The following EYS variants were observed in gnomAD, a reference collection of about 807,000 sequenced individuals.
EYS encodes protein eyes shut homolog.
EYS carries 250 observed loss-of-function variants against 282.1 expected under a neutral mutation model. The observed-to-expected ratio is 0.89, with a 90% confidence interval of 0.80 to 0.98. The LOEUF is 0.98. Among genes scored for constraint, EYS ranks in the 50% least tolerant of loss-of-function variants. The pLI is 0.00. For missense variants in EYS, 4,016 were observed against 3,709.0 expected (o/e 1.08, Z -2.15); for synonymous variants, 1,355 against 1,282.9 (o/e 1.06, Z -1.20).
intron 15 of EYS, among the ~76,000 whole-genome samples, chr6:64,933,646 G>A (rs1173888822): frequency 1.3e-5 from 2 of 151,972 alleles, no homozygotes; most frequent in Non-Finnish European, 2.9e-5. Context: ...TATACCTGAA[G>A]GATTATAAAT....
intron 31 of EYS, among the ~76,000 whole-genome samples, chr6:64,207,403 A>G (rs1256046681): frequency 6.6e-6 from 1 of 152,114 alleles, no homozygotes; most frequent in Non-Finnish European, 1.5e-5. Context: ...TAAATTACCC[A>G]GTCTGCAGTA....
At chr6:64,356,026 A>G (rs1771813126) in intron 29 of EYS, among the ~76,000 whole-genome samples, 1 of 151,792 alleles carries the variant, frequency 6.6e-6, no homozygotes, top group African/African-American at 2.4e-5. Flanking sequence ...CTGCAAAAGC[A>G]GTAACAGAAA....
At chr6:64,576,858 C>A (rs1461796566) in intron 26 of EYS, among the ~76,000 whole-genome samples, 2 of 152,034 alleles carry the variant, frequency 1.3e-5, no homozygotes, top group Admixed American at 6.6e-5. Context: ...CCCCCAGTGA[C>A]ATGTTAAAGT....
intron 29 of EYS, among the ~76,000 whole-genome samples, chr6:64,333,718 T>A (rs1435546835): frequency 6.6e-6 from 1 of 152,184 alleles, no homozygotes; most frequent in South Asian, 2.1e-4. Flanking sequence ...CAAGTTTAAG[T>A]TACCCCAATG....
At chr6:64,500,783 A>G (rs1777012444) in intron 26 of EYS, among the ~76,000 whole-genome samples, 1 of 152,118 alleles carries the variant, frequency 6.6e-6, no homozygotes, top group Non-Finnish European at 1.5e-5. Flanking sequence ...CAGAGCATCC[A>G]TCAGGAAAAA....
intron 2 of EYS, among the ~76,000 whole-genome samples, chr6:65,512,355 G>A (rs1766919045): frequency 6.6e-6 from 1 of 151,806 alleles, no homozygotes; most frequent in Non-Finnish European, 1.5e-5. Context: ...AGCCGGGTGT[G>A]GCGAGCACCT....
intron 22 of EYS, among the ~76,000 whole-genome samples, chr6:64,626,778 C>T (rs1419786867): frequency 6.6e-6 from 1 of 152,130 alleles, no homozygotes; most frequent in Non-Finnish European, 1.5e-5. Flanking sequence ...TTATCTTAAG[C>T]TAACGAGTTT....
chr6:64,186,456 C>T (rs1416431606), intron 31 of EYS, among the ~76,000 whole-genome samples: 2 of 152,070 alleles, frequency 1.3e-5, no homozygotes, highest in Non-Finnish European at 2.9e-5. Context: ...ATGTTTAAAA[C>T]TTTTGTGCTA....
intron 11 of EYS, among the ~76,000 whole-genome samples, chr6:65,325,838 C>T (rs534702592): frequency 6.6e-6 from 1 of 152,100 alleles, no homozygotes; most frequent in Non-Finnish European, 1.5e-5. Context: ...CAATCTTTCA[C>T]TTGGTTTTGC....
intron 12 of EYS, among the ~76,000 whole-genome samples, chr6:65,063,027 C>T (rs889026416): frequency 6.6e-6 from 1 of 151,816 alleles, no homozygotes; most frequent in Non-Finnish European, 1.5e-5. Context: ...CAAAGTTGGG[C>T]CACATTAAAT....
chr6:65,375,178 A>G (rs1057097612), intron 8 of EYS, among the ~76,000 whole-genome samples: 5 of 152,174 alleles, frequency 3.3e-5, no homozygotes, highest in Non-Finnish European at 7.3e-5. Context: ...CGAAGCTTCC[A>G]GAGGAGGGAA....
chr6:64,612,595 T>C (rs1469718490), intron 24 of EYS, among the ~76,000 whole-genome samples: 1 of 152,102 alleles, frequency 6.6e-6, no homozygotes, highest in African/African-American at 2.4e-5. Context: ...AATTATCAGC[T>C]TGTCAGAGAT....
intron 2 of EYS, among the ~76,000 whole-genome samples, chr6:65,616,070 ATT>A (rs1766189560): frequency 7.9e-6 from 1 of 126,180 alleles, no homozygotes; most frequent in Non-Finnish European, 2.0e-5. Flanking sequence ...AGCATTAAAC[ATT>A]TACTCTTACA....
intron 12 of EYS, among the ~76,000 whole-genome samples, chr6:65,235,224 A>G (rs988253992): frequency 6.6e-6 from 1 of 152,152 alleles, no homozygotes; most frequent in Admixed American, 6.5e-5. Flanking sequence ...TTCAACATGG[A>G]AAATAGTATA....
intron 9 of EYS, among the ~76,000 whole-genome samples, chr6:65,352,569 T>A (rs2150326400): frequency 6.6e-6 from 1 of 152,070 alleles, no homozygotes; most frequent in African/African-American, 2.4e-5. Flanking sequence ...TCATTTCAAG[T>A]GTGTAAGACA....
intron 22 of EYS, among the ~76,000 whole-genome samples, chr6:64,687,681 C>T (rs1770207919): frequency 6.6e-6 from 1 of 152,218 alleles, no homozygotes; most frequent in East Asian, 1.9e-4. Flanking sequence ...CTAAAATTCT[C>T]TTTTTTTGTT....
intron 26 of EYS, among the ~76,000 whole-genome samples, chr6:64,491,185 C>T (rs1197412439): frequency 6.6e-6 from 1 of 150,772 alleles, no homozygotes; most frequent in Non-Finnish European, 1.5e-5. Flanking sequence ...TATCCACAAG[C>T]TTATAAAGCA....
At chr6:64,439,680 G>T (rs1774870325) in intron 26 of EYS, among the ~76,000 whole-genome samples, 1 of 151,692 alleles carries the variant, frequency 6.6e-6, no homozygotes, top group South Asian at 2.1e-4. Context: ...CTTTATATAA[G>T]ATATTGATAC....
intron 35 of EYS, among the ~76,000 whole-genome samples, chr6:63,926,702 A>C (rs1250830217): frequency 6.6e-6 from 1 of 152,208 alleles, no homozygotes; most frequent in Non-Finnish European, 1.5e-5. Flanking sequence ...ATAACTTCAC[A>C]GTAATAGTCA....
Sources: gnomAD v4.1 joint callset for allele counts (sites outside exome capture counted in the v4.1 genomes callset) on GRCh38, gnomAD v4.1.1 for gene constraint, MANE v1.5 for transcripts, NCBI Gene and HGNC (gene_info 2026-07-23, HGNC 2026-07-21) for gene names.